The following ZNF536 variants were observed in gnomAD, a reference collection of about 807,000 sequenced individuals.
ZNF536 encodes zinc finger protein 536.
Under a neutral mutation model 84.5 loss-of-function variants are expected in ZNF536, and 13 were observed. That is an observed-to-expected ratio of 0.15 (90% CI 0.10 to 0.24). The LOEUF (loss-of-function observed/expected upper bound fraction) is 0.24. Among genes scored for constraint, ZNF536 ranks in the 10% least tolerant of loss-of-function variants. The pLI is 1.00. For synonymous variants in ZNF536, 811 were observed against 742.5 expected, an observed-to-expected ratio of 1.09 and a Z score of -1.50; for missense variants, 1,536 against 1,747.5, an observed-to-expected ratio of 0.88 and a Z score of 2.16.
chr19:30,374,885 CCGCCCGCGA>C (rs1162728420), intron 1 of ZNF536, among the ~76,000 whole-genome samples: 1 of 151,588 alleles, frequency 6.6e-6, no homozygotes, highest in Non-Finnish European at 1.5e-5. Flanking sequence ...GGGGCGCCTG[CCGCCCGCGA>C]GCCGGAAGAG....
At chr19:30,626,652 A>T (rs984502758) in intron 1 of ZNF536, among the ~76,000 whole-genome samples, 1 of 151,806 alleles carries the variant, frequency 6.6e-6, no homozygotes, top group Non-Finnish European at 1.5e-5. Flanking sequence ...CGCTGCCCCA[A>T]TGGGCTCAGG....
chr19:30,661,154 G>GA (rs1254042871), intron 1 of ZNF536, among the ~76,000 whole-genome samples: 1 of 151,902 alleles, frequency 6.6e-6, no homozygotes, highest in Non-Finnish European at 1.5e-5. Context: ...GTTGCAAGTT[G>GA]AAAAAAAATC....
intron 3 of ZNF536, among the ~76,000 whole-genome samples, chr19:30,358,912 TGGGCAGGTCTCTTCACTCTTG>T (rs570842709): frequency 6.6e-6 from 1 of 152,340 alleles, no homozygotes; most frequent in Non-Finnish European, 1.5e-5. Flanking sequence ...CTGTGTGACC[TGGGCAGGTCTCTTCACTCTTG>T]GGGAGCTGTC....
intron 1 of ZNF536, among the ~76,000 whole-genome samples, chr19:30,377,857 T>G (rs1413433782): frequency 6.6e-6 from 1 of 152,158 alleles, no homozygotes; most frequent in Non-Finnish European, 1.5e-5. Context: ...GTCCAGCAGG[T>G]CTCAGCCTCA....
intron 2 of ZNF536, among the ~76,000 whole-genome samples, chr19:30,326,801 T>TG (rs1568333916): frequency 7.9e-4 from 101 of 127,338 alleles, no homozygotes; most frequent in African/African-American, 2.9e-3. Context: ...CTTTTTTTTT[T>TG]TTTTTTTTTT....
At position 30,573,931 on chromosome 19, in the gene ZNF536, G is replaced by A. The variant is rs533972469; in HGVS notation, c.169+24417G>A. On this transcript the variant is annotated intron_variant, in intron 1 of 1. Transcript: ENST00000592773. ...GTGGTGGTGCCACCCAAGGTGCAGA[G>A]GAGCTATTGCCAGGACGGGCAGCTG... Among the ~76,000 whole-genome samples, 9 of 152,344 alleles carry A rather than the reference G, an allele frequency of 5.9e-5. 1 individual carries two copies. Among genetic ancestry groups the A allele is most frequent in the African/African-American group, 2.2e-4 (9 of 41,574 alleles).
At chr19:30,474,460 T>C (rs2053766663) in intron 2 of ZNF536, among the ~76,000 whole-genome samples, 1 of 151,986 alleles carries the variant, frequency 6.6e-6, no homozygotes, top group South Asian at 2.1e-4. Context: ...CCCGCCCTTT[T>C]CCCCACCTCC....
chr19:30,244,072 C>T (rs148867593), intron 1 of ZNF536, among the ~76,000 whole-genome samples: 9 of 152,188 alleles, frequency 5.9e-5, no homozygotes, highest in South Asian at 2.1e-4. Context: ...TCCTTAGCTT[C>T]GTCTTCTTTT....
At chr19:30,385,664 C>A (rs1442585214) in intron 1 of ZNF536, among the ~76,000 whole-genome samples, 1 of 152,176 alleles carries the variant, frequency 6.6e-6, no homozygotes, top group Non-Finnish European at 1.5e-5. Context: ...ATGGGCAGGA[C>A]ACACCTGTCC....
intron 2 of ZNF536, among the ~76,000 whole-genome samples, chr19:30,504,394 C>T (rs946715091): frequency 1.4e-5 from 2 of 146,256 alleles, no homozygotes; most frequent in African/African-American, 5.1e-5. Context: ...CTCCTCCTTC[C>T]TCTCTCCCTC....
intron 1 of ZNF536, among the ~76,000 whole-genome samples, chr19:30,623,289 G>T (rs1007829614): frequency 3.3e-5 from 5 of 152,150 alleles, no homozygotes; most frequent in African/African-American, 1.2e-4. Context: ...AATCCTAGCT[G>T]GTCTCCTGGC....
chr19:30,491,145 C>T (rs1025548440), intron 2 of ZNF536, among the ~76,000 whole-genome samples: 7 of 152,136 alleles, frequency 4.6e-5, no homozygotes, highest in African/African-American at 7.2e-5. Flanking sequence ...AACGGCAAGT[C>T]CTATCCTGAC....
At position 30,424,413 on chromosome 19, in the gene ZNF536, C is replaced by T. The variant is rs985980059; in HGVS notation, c.-2-19148C>T. 4.6e-5 allele frequency among the ~76,000 whole-genome samples: 7 copies of T among 152,292 alleles called. No individual in the cohort carries two copies. In the East Asian group the frequency reaches 9.7e-4, roughly 21 times the overall value. The stretch of plus-strand genomic sequence containing the variant: ...AACCTCAAACCTGTGCAACATCAAA[C>T]ACCCTGGGGCTCCCCTGTCATGGAC... On this transcript the variant is annotated intron_variant, in intron 1 of 4. Transcript: ENST00000355537.
intron 1 of ZNF536, among the ~76,000 whole-genome samples, chr19:30,680,859 A>C (rs1015722855): frequency 1.3e-5 from 2 of 152,176 alleles, no homozygotes; most frequent in African/African-American, 4.8e-5. Flanking sequence ...ACTAGTTTAC[A>C]GTCCCACCAA....
At chr19:30,410,465 CTTTTTTT>C (rs201561646) in intron 1 of ZNF536, among the ~76,000 whole-genome samples, 2 of 122,632 alleles carry the variant, frequency 1.6e-5, no homozygotes, top group Admixed American at 8.5e-5. Flanking sequence ...AAGTGAAGGT[CTTTTTTT>C]TTTTTTTTTT....
chr19:30,401,503 C>T (rs951160970), intron 1 of ZNF536, among the ~76,000 whole-genome samples: 2 of 152,148 alleles, frequency 1.3e-5, no homozygotes, highest in Non-Finnish European at 2.9e-5. Flanking sequence ...AAGGACTTTA[C>T]CCACTGCTTT....
At chr19:30,236,433 C>T (rs556311946) in intron 1 of ZNF536, among the ~76,000 whole-genome samples, 2 of 152,138 alleles carry the variant, frequency 1.3e-5, no homozygotes, top group Non-Finnish European at 2.9e-5. Context: ...GTTTCAGCCC[C>T]CCCACCCCAC....
intron 2 of ZNF536, among the ~76,000 whole-genome samples, chr19:30,309,261 G>A (rs899721360): frequency 6.6e-6 from 1 of 152,176 alleles, no homozygotes; most frequent in Admixed American, 6.5e-5. Context: ...GTAGAAATGG[G>A]GAAAGGGGGC....
intron 1 of ZNF536, among the ~76,000 whole-genome samples, chr19:30,409,002 T>C (rs2050376711): frequency 6.8e-6 from 1 of 147,520 alleles, no homozygotes; most frequent in Non-Finnish European, 1.5e-5. Context: ...TATCATCCAT[T>C]GGTCCATCCA....
Sources: gnomAD v4.1 joint callset for allele counts (sites outside exome capture counted in the v4.1 genomes callset) on GRCh38, gnomAD v4.1.1 for gene constraint, MANE v1.5 for transcripts, NCBI Gene and HGNC (gene_info 2026-07-23, HGNC 2026-07-21) for gene names.